Variants in CRACD observed in about 807,000 individuals in gnomAD.
CRACD encodes the protein capping protein-inhibiting regulator of actin dynamics.
Under a neutral mutation model 106.8 loss-of-function variants are expected in CRACD, and 56 were observed. That is an observed-to-expected ratio of 0.52 (90% CI 0.42 to 0.66). CRACD has a LOEUF of 0.66. CRACD is among the 30% of genes least tolerant of loss of function. The pLI, the probability that CRACD is intolerant of heterozygous loss-of-function variation, is 0.00. For synonymous variants in CRACD, 754 were observed against 670.8 expected (o/e 1.12, Z -1.92); for missense variants, 1,730 against 1,623.2 (o/e 1.07, Z -1.13).
At chr4:56,158,445 T>G (rs1577700319) in intron 1 of CRACD, among the ~76,000 whole-genome samples, 1 of 152,214 alleles carries the variant, frequency 6.6e-6, no homozygotes, top group Non-Finnish European at 1.5e-5. Context: ...AGCAAGTTCT[T>G]GCCTTCTTCC....
rs57458496 is a variant in CRACD at position 56,275,785 on chromosome 4, G to A, written c.-17+3293G>A. On this transcript the variant is annotated intron_variant, in intron 3 of 10. Transcript: ENST00000682029. ...GCACAAAACTCAAAGCTCCATTAAC[G>A]TGATTTTGGGTAGAGGTTACAAGAA... Among the ~76,000 whole-genome samples, 319 of 152,274 alleles carry A rather than the reference G, an allele frequency of 2.1e-3. 4 individuals carry two copies. The highest frequency in any genetic ancestry group is 7.4e-3 in the African/African-American group (306 of 41,554).
chr4:56,087,678 C>T (rs1010950679), intron 1 of CRACD, among the ~76,000 whole-genome samples: 1 of 152,178 alleles, frequency 6.6e-6, no homozygotes, highest in Non-Finnish European at 1.5e-5. Context: ...CTCTTTTATC[C>T]AGATGCCTAC....
chr4:56,138,183 G>T (rs1463695700), intron 1 of CRACD, among the ~76,000 whole-genome samples: 1 of 152,204 alleles, frequency 6.6e-6, no homozygotes, highest in East Asian at 1.9e-4. Context: ...ATTAAATCTG[G>T]CTGGGTGTGT....
rs894161175 is a variant in CRACD, at chr4:56,314,025, C to T, written c.538-15C>T. 2 of 1,607,270 alleles carry T rather than the reference C, an allele frequency of 1.2e-6. No homozygotes were observed. Among genetic ancestry groups the T allele is most frequent in the African/African-American group, 2.7e-5 (2 of 74,594 alleles). On this transcript the variant is annotated splice_polypyrimidine_tract_variant and intron_variant, in intron 7 of 10. Transcript: ENST00000682029. The surrounding 1 kb of genome is among the most constrained non-coding windows in gnomAD (Gnocchi z 4.4). Reference sequence around the variant, plus strand: ...GAAAGCAAAAGGCTAATTGTGTTTTCCTTTCCAATGTTAGGATCCACAACA... The same window carrying T: ...GAAAGCAAAAGGCTAATTGTGTTTTTCTTTCCAATGTTAGGATCCACAACA...
At chr4:56,085,412 G>T (rs1733181685) in intron 1 of CRACD, among the ~76,000 whole-genome samples, 1 of 151,932 alleles carries the variant, frequency 6.6e-6, no homozygotes, top group Non-Finnish European at 1.5e-5. Flanking sequence ...GTGGTGGTGG[G>T]TAAAGCACCC....
chr4:56,247,360 T>G (rs920168767), intron 2 of CRACD, among the ~76,000 whole-genome samples: 1 of 152,162 alleles, frequency 6.6e-6, no homozygotes, highest in Non-Finnish European at 1.5e-5. Flanking sequence ...CTGTTAGGAG[T>G]AATTGATGAT....
chr4:56,213,413 T>G (rs533175082), intron 2 of CRACD, among the ~76,000 whole-genome samples: 60 of 152,120 alleles, frequency 3.9e-4, no homozygotes, highest in African/African-American at 1.2e-3. Context: ...GCCATTGCAC[T>G]CCAGCCTGGG....
intron 1 of CRACD, among the ~76,000 whole-genome samples, chr4:56,058,460 G>A (rs1355107577): frequency 6.6e-6 from 1 of 152,142 alleles, no homozygotes; most frequent in African/African-American, 2.4e-5. Flanking sequence ...ATGAAGGGAG[G>A]TCTTTTGCCT....
chr4:56,251,739 A>G (rs1414534077), intron 2 of CRACD, among the ~76,000 whole-genome samples: 1 of 152,182 alleles, frequency 6.6e-6, no homozygotes, highest in Non-Finnish European at 1.5e-5. Flanking sequence ...CAGAGAGCTT[A>G]TTTAATCGCT....
intron 1 of CRACD, among the ~76,000 whole-genome samples, chr4:56,073,579 G>C (rs1192239667): frequency 1.3e-5 from 2 of 152,022 alleles, no homozygotes; most frequent in African/African-American, 4.8e-5. Flanking sequence ...TTTGTTCTAA[G>C]TTCCTTGTAG....
intron 1 of CRACD, among the ~76,000 whole-genome samples, chr4:56,072,239 T>C (rs530591899): frequency 6.6e-6 from 1 of 152,294 alleles, no homozygotes; most frequent in Admixed American, 6.5e-5. Context: ...TGTTTATCCT[T>C]ATACTCTCAT....
intron 2 of CRACD, among the ~76,000 whole-genome samples, chr4:56,213,104 T>C (rs1489494780): frequency 6.6e-6 from 1 of 152,154 alleles, no homozygotes; most frequent in African/African-American, 2.4e-5. Flanking sequence ...CCACTTTGGA[T>C]CTCACTTCAG....
intron 3 of CRACD, among the ~76,000 whole-genome samples, chr4:56,296,138 A>G (rs1185390846): frequency 1.3e-5 from 2 of 152,084 alleles, no homozygotes; most frequent in East Asian, 3.9e-4. Context: ...GCAATACTAT[A>G]TGACCTTCTA....
chr4:56,258,047 C>T (rs780445860), intron 2 of CRACD, among the ~76,000 whole-genome samples: 7 of 144,428 alleles, frequency 4.8e-5, no homozygotes, highest in South Asian at 2.2e-4. Flanking sequence ...TCCAGCCTGG[C>T]GACAGAGTGA....
At chr4:56,284,452 T>C (rs1008455199) in intron 3 of CRACD, among the ~76,000 whole-genome samples, 5 of 151,924 alleles carry the variant, frequency 3.3e-5, no homozygotes, top group East Asian at 3.9e-4. Flanking sequence ...TGGCCAGGCA[T>C]GGTGGCTCAC....
intron 1 of CRACD, among the ~76,000 whole-genome samples, chr4:56,176,567 T>A (rs1326498292): frequency 2.6e-5 from 4 of 151,908 alleles, no homozygotes; most frequent in Non-Finnish European, 5.9e-5. Context: ...TAGCTGGGAC[T>A]ACAGGCACCC....
chr4:56,278,580 C>G (rs1278634749), intron 3 of CRACD, among the ~76,000 whole-genome samples: 1 of 152,018 alleles, frequency 6.6e-6, no homozygotes, highest in Non-Finnish European at 1.5e-5. Flanking sequence ...TTTCCATGAC[C>G]TTGAATTAGG....
At chr4:56,175,599 C>G (rs1051900147) in intron 1 of CRACD, among the ~76,000 whole-genome samples, 1 of 152,144 alleles carries the variant, frequency 6.6e-6, no homozygotes, top group Admixed American at 6.5e-5. Context: ...AGGGTACACA[C>G]ACAGGGTATC....
chr4:56,314,422 A>C lies in CRACD; in HGVS notation c.920A>C (p.Glu307Ala), dbSNP rs1467054455. ...GGTTGGGAGGACGCGGAGCGGAGGG[A>C]GCGTGAGGAGCGCGAGCGCCTGGAG... ...APGWEDAERR[E>A]REERERLEAE... The change falls in exon 8 of 11, where the codon GAG (glutamate) becomes GCG (alanine). Residue 307 changes from glutamate (E) to alanine (A), a missense_variant. This residue lies in a region of CRACD where 1,620 missense variants were observed against 1,481.6 expected (regional missense o/e 1.09). Transcript: ENST00000682029. The surrounding 1 kb of genome is among the most constrained non-coding windows in gnomAD (Gnocchi z 4.4). The C allele has an allele frequency of 6.5e-7, 1 of 1,543,106 alleles. No homozygotes were observed. Among genetic ancestry groups the C allele is most frequent in the Non-Finnish European group, 8.7e-7 (1 of 1,143,638 alleles).
Sources: allele counts gnomAD v4.1 joint callset (sites outside exome capture counted in the v4.1 genomes callset), GRCh38; gene constraint gnomAD v4.1.1; regional missense constraint gnomAD v4.1.1; non-coding constraint Gnocchi (gnomAD v3.1); transcripts MANE v1.5; gene names NCBI Gene and HGNC (gene_info 2026-07-23, HGNC 2026-07-21).